HIBCH: variants seen among roughly 807,000 people sequenced by gnomAD.
The protein encoded by HIBCH is 3-hydroxyisobutyryl-CoA hydrolase.
HIBCH carries 50 observed loss-of-function variants against 58.2 expected under a neutral mutation model. That is an observed-to-expected ratio of 0.86 (90% CI 0.68 to 1.09). HIBCH has a LOEUF of 1.09. Ranked by LOEUF, HIBCH falls within the 50% of genes least tolerant of loss-of-function variation. HIBCH has a pLI of 0.00. For missense variants in HIBCH, 450 were observed against 449.7 expected, an observed-to-expected ratio of 1.00 and a Z score of -0.01; for synonymous variants, 151 against 146.9, an observed-to-expected ratio of 1.03 and a Z score of -0.20.
rs143006751 is a variant in HIBCH at position 190,235,800 on chromosome 2, G to A, written c.891+9087C>T. Among the ~76,000 whole-genome samples the A allele has an allele frequency of 8.3e-3, 1,258 of 152,186 alleles. 6 individuals carry two copies. The highest frequency in any genetic ancestry group is 0.014 in the Non-Finnish European group (947 of 68,006). ...TGAGGCCTCTCAGAATCCCTCCATC[G>A]TTTTATGGACATCCATAATAATTTG... On this transcript the variant is annotated intron_variant, in intron 11 of 13. Transcript: ENST00000359678.
intron 2 of HIBCH, 36 bp downstream of exon 2, chr2:190,310,718 A>G (rs895629996): frequency 6.5e-7 from 1 of 1,539,174 alleles, no homozygotes; most frequent in Non-Finnish European, 9.0e-7. Flanking sequence ...AGTTACACAT[A>G]CAAATAATGC....
intron 2 of HIBCH, among the ~76,000 whole-genome samples, chr2:190,308,616 T>G (rs1688476756): frequency 6.6e-6 from 1 of 152,204 alleles, no homozygotes; most frequent in Non-Finnish European, 1.5e-5. Context: ...CTTAGGACTC[T>G]ACAGAGGTCC....
At chr2:190,294,293 G>C (rs947163883) in intron 4 of HIBCH, among the ~76,000 whole-genome samples, 2 of 151,754 alleles carry the variant, frequency 1.3e-5, no homozygotes, top group Admixed American at 6.6e-5. Context: ...TGATGATTCA[G>C]GGAGAGAGAC....
chr2:190,275,747 A>G lies in HIBCH; in HGVS notation c.438+11839T>C, dbSNP rs117109187. On this transcript the variant is annotated intron_variant, in intron 6 of 13. Coordinates refer to ENST00000359678, the MANE Select transcript of HIBCH (RefSeq NM_014362.4). ...TTCAAGATGCCCACAGTGGCAGACC[A>G]TCCACATCAATTTGTGAGGAAAAAA... Among the ~76,000 whole-genome samples, 1,307 of 152,348 alleles carry G rather than the reference A, an allele frequency of 8.6e-3. 35 individuals carry two copies. The East Asian group carries it at 0.097, about 11-fold the overall frequency.
intron 1 of HIBCH, among the ~76,000 whole-genome samples, chr2:190,194,144 T>C (rs867032803): frequency 4.6e-5 from 7 of 152,324 alleles, no homozygotes; most frequent in Middle Eastern, 6.8e-3. Context: ...TTTAAGCCTT[T>C]GAAATCTGCT....
At chr2:190,200,131 G>C, downstream of HIBCH, 37 of 1,613,866 alleles carry the variant, frequency 2.3e-5, no homozygotes, top group Non-Finnish European at 3.1e-5. Flanking sequence ...TCCATACATT[G>C]AGAGTGAGGG....
downstream of HIBCH, among the ~76,000 whole-genome samples, chr2:190,199,266 G>A (rs896971898): frequency 6.6e-6 from 1 of 152,168 alleles, no homozygotes; most frequent in Non-Finnish European, 1.5e-5. Context: ...GGGCCACATG[G>A]TCTGTCACAG....
Position 190,207,356 on chromosome 2 carries a change from G to A in HIBCH, c.1045+1524C>T, listed in dbSNP as rs1164238944. On this transcript the variant is annotated intron_variant, in intron 13 of 13. Coordinates refer to ENST00000359678, the MANE Select transcript of HIBCH (RefSeq NM_014362.4). The surrounding 1 kb of genome is among the most constrained non-coding windows in gnomAD (Gnocchi z 4.5). ...AGTTCTAGGCTGTAATCCACATGCA[G>A]CAAGAATTTGCAGAGAATTTGTGAG... Among the ~76,000 whole-genome samples, 1 of 152,128 alleles carries A rather than the reference G, an allele frequency of 6.6e-6. No individual in the cohort carries two copies. Among genetic ancestry groups the A allele is most frequent in the Non-Finnish European group, 1.5e-5 (1 of 68,024 alleles).
At chr2:190,273,224 C>G (rs570031331) in intron 6 of HIBCH, among the ~76,000 whole-genome samples, 2 of 152,120 alleles carry the variant, frequency 1.3e-5, no homozygotes, top group Non-Finnish European at 2.9e-5. Flanking sequence ...GAAACCTCAA[C>G]TCTATTAAAA....
rs1307654910 is a variant in HIBCH at position 190,254,185 on chromosome 2, C to CT, written c.518-1879dup. On this transcript the variant is annotated intron_variant, in intron 7 of 13. Coordinates refer to ENST00000359678, the MANE Select transcript of HIBCH (RefSeq NM_014362.4). The surrounding 1 kb of genome is among the most constrained non-coding windows in gnomAD (Gnocchi z 5.0). ...GTTGAAGCCCTAACCCTCGATGTAA[C>CT]TGCATTTGGAAGCAGGGCCTTTGAA... Among the ~76,000 whole-genome samples, 3 of 152,100 alleles carry CT rather than the reference C, an allele frequency of 2.0e-5. No individual in the cohort carries two copies. The highest frequency in any genetic ancestry group is 6.6e-5 in the Admixed American group (1 of 15,258).
intron 11 of HIBCH, among the ~76,000 whole-genome samples, chr2:190,240,889 T>A (rs1427527581): frequency 1.3e-5 from 2 of 152,198 alleles, no homozygotes; most frequent in Non-Finnish European, 2.9e-5. Flanking sequence ...AGTGTTTTAC[T>A]TCCAATTATG....
chr2:190,210,291 T>TACA lies in HIBCH; in HGVS notation c.1012-1381_1012-1379dup, dbSNP rs1048028524. 6.6e-6 allele frequency among the ~76,000 whole-genome samples: 1 copy of TACA among 152,210 alleles called. No homozygotes were observed. The highest frequency in any genetic ancestry group is 1.5e-5 in the Non-Finnish European group (1 of 68,048). On this transcript the variant is annotated intron_variant, in intron 12 of 13. Transcript: ENST00000359678. The surrounding 1 kb of genome is among the most constrained non-coding windows in gnomAD (Gnocchi z 5.5). ...GTCAAATGACACTTCTAACCTCGTC[T>TACA]ACACTTTGACAGCGTTCAACACTGT...
chr2:190,202,181 T>G (rs150857595), downstream of HIBCH: 19 of 167,166 alleles, frequency 1.1e-4, no homozygotes, highest in African/African-American at 4.3e-4. Flanking sequence ...CAACTAGAAG[T>G]CTGATTTCTG....
chr2:190,247,627 T>C (rs1686648852), intron 9 of HIBCH, among the ~76,000 whole-genome samples: 1 of 152,190 alleles, frequency 6.6e-6, no homozygotes, highest in Non-Finnish European at 1.5e-5. Flanking sequence ...CTCTCCCTTT[T>C]CTATTTAATT....
At chr2:190,213,980 C>T (rs1037743433) in intron 11 of HIBCH, 5 of 152,342 alleles carry the variant, frequency 3.3e-5, no homozygotes, top group African/African-American at 1.2e-4. Context: ...TGAGTCCATT[C>T]TGTGGGTTTG....
intron 1 of HIBCH, among the ~76,000 whole-genome samples, chr2:190,319,275 G>A (rs988893294): frequency 1.3e-5 from 2 of 152,220 alleles, no homozygotes; most frequent in Non-Finnish European, 2.9e-5. Context: ...TGACGCTGCA[G>A]CCATGCAAGA....
chr2:190,247,103 CTTTA>C (rs2105935852), intron 9 of HIBCH, among the ~76,000 whole-genome samples: 1 of 151,780 alleles, frequency 6.6e-6, no homozygotes, highest in South Asian at 2.1e-4. Context: ...TCGCACTTAT[CTTTA>C]TTAAATTTCA....
rs889353224 is a variant in HIBCH at position 190,304,722 on chromosome 2, A to AT, written c.78+6031dup. ...TAAATGGCTTAAACAACACAAACTT[A>AT]TTTTTTTTGTAAAACCAGCAGTTTT... On this transcript the variant is annotated intron_variant, in intron 2 of 13. Coordinates refer to ENST00000359678, the MANE Select transcript of HIBCH (RefSeq NM_014362.4). The surrounding 1 kb of genome is among the most constrained non-coding windows in gnomAD (Gnocchi z 4.1). Among the ~76,000 whole-genome samples the AT allele has an allele frequency of 3.9e-5, 6 of 152,138 alleles. No homozygotes were observed. The highest frequency in any genetic ancestry group is 4.2e-4 in the South Asian group (2 of 4,814).
At position 190,207,048 on chromosome 2, in the gene HIBCH, G is replaced by C. The variant is rs552230352; in HGVS notation, c.1046-1816C>G. ...GAGGCAGGAGAATGGTGTGAACCCG[G>C]GAGGCGGAGTTTGCAGTGAGCCGAG... On this transcript the variant is annotated intron_variant, in intron 13 of 13. Coordinates refer to ENST00000359678, the MANE Select transcript of HIBCH (RefSeq NM_014362.4). The surrounding 1 kb of genome is among the most constrained non-coding windows in gnomAD (Gnocchi z 4.5). Among the ~76,000 whole-genome samples the C allele has an allele frequency of 6.6e-6, 1 of 152,210 alleles. No individual in the cohort carries two copies. Among genetic ancestry groups the C allele is most frequent in the Non-Finnish European group, 1.5e-5 (1 of 67,998 alleles).
Sources: gnomAD v4.1 joint callset for allele counts (sites outside exome capture counted in the v4.1 genomes callset) on GRCh38, gnomAD v4.1.1 for gene constraint, Gnocchi (gnomAD v3.1) non-coding constraint, MANE v1.5 for transcripts, NCBI Gene and HGNC (gene_info 2026-07-23, HGNC 2026-07-21) for gene names.